RNF17: variants seen among roughly 807,000 people sequenced by gnomAD.
RNF17 encodes spermatogenesis associated 23.
A neutral mutation model predicts 200.5 loss-of-function variants in RNF17; 31 were observed. The observed-to-expected ratio is 0.15, with a 90% CI of 0.12 to 0.21. The LOEUF is 0.21. RNF17 is among the 10% of genes least tolerant of loss of function. The pLI is 1.00. For synonymous variants in RNF17, 606 were observed against 637.8 expected (o/e 0.95, Z 0.75); for missense variants, 1,628 against 1,905.1 (o/e 0.85, Z 2.71).
the RNF17 span, chr13:24,886,482 C>CTAAT: frequency 3.5e-6 from 2 of 574,600 alleles, no homozygotes; most frequent in East Asian, 6.7e-5. Context: ...TTCAATGTAA[C>CTAAT]TAATAGATCC....
At chr13:24,788,263 A>T in intron 7 of RNF17, 104 bp downstream of exon 7, 2 of 763,874 alleles carry the variant, frequency 2.6e-6, no homozygotes, top group Non-Finnish European at 4.0e-6. Context: ...ATCCTAACCT[A>T]TATTATTATT....
intron 22 of RNF17, among the ~76,000 whole-genome samples, chr13:24,847,369 AGAGTCTCC>A (rs1891379277): frequency 6.8e-6 from 1 of 148,024 alleles, no homozygotes; most frequent in Admixed American, 6.8e-5. Context: ...TTTTTGAGAC[AGAGTCTCC>A]CTCTGTTGCC....
intron 32 of RNF17, among the ~76,000 whole-genome samples, chr13:24,871,839 G>A (rs1360465118): frequency 1.8e-4 from 27 of 152,108 alleles, no homozygotes; most frequent in Admixed American, 1.8e-3. Flanking sequence ...CACTATCTTG[G>A]CCGGTCTGGT....
In RNF17 at chr13:24,868,700, T is replaced by G; in HGVS notation, c.4262T>G (p.Val1421Gly). 6.5e-7 allele frequency: 1 copy of G among 1,539,932 alleles called. No individual in the cohort carries two copies. Among genetic ancestry groups the G allele is most frequent in the Non-Finnish European group, 9.0e-7 (1 of 1,113,024 alleles). The stretch of plus-strand genomic sequence containing the variant: ...CTCTATGCTGTTCAAGTTAAGCACG[T>G]TGTCTCACCTAATGAAGTATGTGAT... Reference protein sequence around the residue: ...GELYAVQVKHVVSPNEVYICL... With the variant: ...GELYAVQVKHGVSPNEVYICL... The change falls in exon 31 of 36, where the codon GTT becomes GGT. Residue 1421 changes from valine (V) to glycine (G), a missense_variant. This residue lies in a region of RNF17 where 609 missense variants were observed against 681.9 expected (regional missense o/e 0.89). Coordinates refer to ENST00000255324, the MANE Select transcript of RNF17 (RefSeq NM_031277.3).
upstream of RNF17, among the ~76,000 whole-genome samples, chr13:24,759,196 A>T (rs1292214950): frequency 6.6e-6 from 1 of 152,164 alleles, no homozygotes; most frequent in Non-Finnish European, 1.5e-5. Context: ...CACATGACAT[A>T]CACCTCTGGA....
chr13:24,776,802 T>G (rs1214074314), intron 3 of RNF17, among the ~76,000 whole-genome samples: 1 of 152,174 alleles, frequency 6.6e-6, no homozygotes, highest in Non-Finnish European at 1.5e-5. Flanking sequence ...TAGTATGTAT[T>G]AAGACAAACC....
chr13:24,859,985 C>G (rs1317929599), intron 26 of RNF17, among the ~76,000 whole-genome samples: 2 of 151,920 alleles, frequency 1.3e-5, no homozygotes, highest in East Asian at 3.9e-4. Context: ...AGTTAATATC[C>G]AAGCATCTGA....
chr13:24,814,472 A>T (rs1487458961), intron 15 of RNF17, among the ~76,000 whole-genome samples: 1 of 152,214 alleles, frequency 6.6e-6, no homozygotes, highest in East Asian at 1.9e-4. Flanking sequence ...TGACATCATG[A>T]TGCTTCTTCC....
intron 15 of RNF17, among the ~76,000 whole-genome samples, chr13:24,824,942 G>T (rs1260791034): frequency 6.6e-6 from 1 of 152,148 alleles, no homozygotes; most frequent in Non-Finnish European, 1.5e-5. Flanking sequence ...TAGCCAAAAA[G>T]ATTTGCCTTG....
At position 24,779,866 on chromosome 13, in the gene RNF17, A is replaced by C. The variant is rs964257377; in HGVS notation, c.510+119A>C. ...TAGCACTGAGTTATTAAGCATGATA[A>C]TCTAAAAAAGAATGGAAAACTTTTC... On this transcript the variant is annotated intron_variant, in intron 5 of 35. Transcript: ENST00000255324. 37 of 667,096 alleles carry C rather than the reference A, an allele frequency of 5.5e-5. No homozygotes were observed. The African/African-American group carries it at 6.3e-4, about 11-fold the overall frequency. The allele number at this position is 667,096 out of a possible 1,614,324, so 41.3% of individuals were successfully genotyped here.
At chr13:24,867,788 G>A (rs1893783496) in intron 30 of RNF17, among the ~76,000 whole-genome samples, 1 of 152,168 alleles carries the variant, frequency 6.6e-6, no homozygotes, top group African/African-American at 2.4e-5. Flanking sequence ...TGTAACTGTA[G>A]TATTCCTTTG....
chr13:24,783,338 A>T (rs770346958), intron 6 of RNF17, among the ~76,000 whole-genome samples: 17 of 152,186 alleles, frequency 1.1e-4, no homozygotes, highest in Non-Finnish European at 2.5e-4. Flanking sequence ...GAGTCCTACA[A>T]CTTTGTTCCT....
intron 4 of RNF17, 35 bp from the exon 5 acceptor site, chr13:24,779,632 T>A: frequency 6.5e-7 from 1 of 1,533,976 alleles, no homozygotes; most frequent in African/African-American, 1.4e-5. Flanking sequence ...TGTTTTTTAG[T>A]TTTATATTTG....
Position 24,802,541 on chromosome 13 carries a change from G to A in RNF17, c.1919G>A (p.Arg640Lys), listed in dbSNP as rs567636669. The change falls in exon 14 of 36, where the codon AGA (arginine) becomes AAA (lysine). Residue 640 changes from arginine to lysine, a missense_variant. Coordinates refer to ENST00000255324, the MANE Select transcript of RNF17 (RefSeq NM_031277.3). ...KISSDMPVSLRDALVFMELAK... is the reference protein window; with the variant it reads ...KISSDMPVSLKDALVFMELAK... ...AGCAGTGATATGCCTGTGTCTCTTA[G>A]AGATGCGCTAGTTTTTATGGAACTA... 6.2e-7 allele frequency: 1 copy of A among 1,610,656 alleles called. No homozygotes were observed. Among genetic ancestry groups the A allele is most frequent in the African/African-American group, 1.3e-5 (1 of 74,836 alleles).
chr13:24,806,872 C>T (rs2137779881), intron 15 of RNF17, among the ~76,000 whole-genome samples: 1 of 146,448 alleles, frequency 6.8e-6, no homozygotes, highest in Admixed American at 7.1e-5. Flanking sequence ...TTGTTCAATT[C>T]CCACCTATGA....
intron 22 of RNF17, among the ~76,000 whole-genome samples, chr13:24,847,075 C>A (rs1487172497): frequency 6.6e-6 from 1 of 151,068 alleles, no homozygotes; most frequent in Non-Finnish European, 1.5e-5. Context: ...TTATTTGTAT[C>A]TCATCTGCAA....
intron 28 of RNF17, among the ~76,000 whole-genome samples, chr13:24,863,549 A>C (rs773343123): frequency 6.4e-4 from 97 of 152,244 alleles, no homozygotes; most frequent in Admixed American, 2.5e-3. Context: ...GCAGGGCCTG[A>C]ATGGGAAGAT....
At chr13:24,874,642 C>T (rs553164309) in intron 33 of RNF17, among the ~76,000 whole-genome samples, 1 of 152,194 alleles carries the variant, frequency 6.6e-6, no homozygotes, top group Admixed American at 6.5e-5. Context: ...AAACTCCTGA[C>T]CTCAGGTGAT....
chr13:24,818,328 G>T (rs970579458), intron 15 of RNF17, among the ~76,000 whole-genome samples: 1 of 151,768 alleles, frequency 6.6e-6, no homozygotes, highest in Admixed American at 6.6e-5. Flanking sequence ...AAGTGGCCTT[G>T]TAGGAAAAAA....
Sources: allele counts gnomAD v4.1 joint callset (sites outside exome capture counted in the v4.1 genomes callset), GRCh38; gene constraint gnomAD v4.1.1; regional missense constraint gnomAD v4.1.1; transcripts MANE v1.5; gene names NCBI Gene and HGNC (gene_info 2026-07-23, HGNC 2026-07-21).